Variants in PRH1 observed in about 807,000 individuals in gnomAD.
The protein encoded by PRH1 is proline rich protein HaeIII subfamily 1, also known as salivary acidic proline-rich phosphoprotein 1/2.
In PRH1, 7 loss-of-function variants were observed where a neutral mutation model predicts 7.9. The ratio of observed to expected loss-of-function variants is 0.89; its 90% confidence interval spans 0.50 to 1.67. PRH1 has a LOEUF of 1.67. Among genes scored for constraint, PRH1 ranks in the 40% most tolerant of loss-of-function variants. The pLI is 0.00. For missense variants in PRH1, 109 were observed against 223.6 expected, an observed-to-expected ratio of 0.49 and a Z score of 3.27; for synonymous variants, 45 against 80.8, an observed-to-expected ratio of 0.56 and a Z score of 2.38.
intron 1 of PRH1, among the ~76,000 whole-genome samples, chr12:11,142,085 C>T (rs1409808797): frequency 1.3e-5 from 2 of 152,156 alleles, no homozygotes; most frequent in East Asian, 3.9e-4. Context: ...AACAACCACA[C>T]CTGGCTGAGA....
rs1211497917 is a variant in PRH1, at chr12:10,882,262, T to A, written c.537A>T (p.Gly179=). The A allele has an allele frequency of 6.2e-7, 1 of 1,613,266 alleles. No homozygotes were observed. Among genetic ancestry groups the A allele is most frequent in the Admixed American group, 1.7e-5 (1 of 59,962 alleles). The change falls in exon 3 of 4, where the codon GGA becomes GGT. Residue 179 remains glycine (G), a synonymous_variant. Coordinates refer to ENST00000543626, the MANE Select transcript of PRH1 (RefSeq NM_001393989.1). ...GPPPQGGRPQ[G]PPQGQSPQ ...ACTGAGGAGACTGCCCCTGTGGAGG[T>A]CCTTGTGGGCGGCCCCCTTGGGGAG...
intron 1 of PRH1, among the ~76,000 whole-genome samples, chr12:11,014,217 T>C (rs1941190174): frequency 6.6e-6 from 1 of 152,194 alleles, no homozygotes; most frequent in African/African-American, 2.4e-5. Context: ...CAGGCATCAT[T>C]GTAGAGATTG....
intron 2 of PRH1, among the ~76,000 whole-genome samples, chr12:10,933,585 T>C (rs1315496428): frequency 3.3e-5 from 5 of 152,028 alleles, no homozygotes; most frequent in African/African-American, 1.2e-4. Flanking sequence ...TTTTGGATAA[T>C]GAAGTCAGCA....
intron 1 of PRH1, among the ~76,000 whole-genome samples, chr12:11,101,316 T>C (rs1014640443): frequency 2.6e-5 from 4 of 152,108 alleles, no homozygotes; most frequent in Non-Finnish European, 5.9e-5. Context: ...GGAAAAACCA[T>C]GTCTCTACAA....
chr12:11,105,578 T>C (rs1232479787), intron 1 of PRH1, among the ~76,000 whole-genome samples: 1 of 152,204 alleles, frequency 6.6e-6, no homozygotes, highest in Non-Finnish European at 1.5e-5. Flanking sequence ...AAATTTTCCA[T>C]ATTGGTGTTG....
At chr12:11,002,383 C>A (rs1940634885) in intron 1 of PRH1, among the ~76,000 whole-genome samples, 1 of 152,048 alleles carries the variant, frequency 6.6e-6, no homozygotes, top group South Asian at 2.1e-4. Flanking sequence ...GATCCTCAGA[C>A]AGTATTTCAT....
intron 1 of PRH1, among the ~76,000 whole-genome samples, chr12:11,071,806 T>C (rs1944082852): frequency 6.6e-6 from 1 of 152,150 alleles, no homozygotes; most frequent in South Asian, 2.1e-4. Context: ...AGTCAGGGTC[T>C]GCTGGACAGA....
intron 1 of PRH1, chr12:11,021,878 TCA>T: frequency 6.2e-7 from 1 of 1,614,174 alleles, no homozygotes; most frequent in Non-Finnish European, 8.5e-7. Flanking sequence ...AGGAAGGAGG[TCA>T]CAGTTTGCAA....
At chr12:10,894,861 A>C (rs903526023) in intron 2 of PRH1, 1 of 152,224 alleles carries the variant, frequency 6.6e-6, no homozygotes, top group South Asian at 2.1e-4. Context: ...AATAAGAGGT[A>C]GGTGAAAGAA....
At chr12:10,932,019 G>T (rs1423517516) in intron 2 of PRH1, among the ~76,000 whole-genome samples, 1 of 152,040 alleles carries the variant, frequency 6.6e-6, no homozygotes, top group Non-Finnish European at 1.5e-5. Flanking sequence ...ATCGTTTTTC[G>T]TCCTCATCTA....
chr12:11,016,989 C>T (rs1234689694), intron 1 of PRH1, among the ~76,000 whole-genome samples: 1 of 152,156 alleles, frequency 6.6e-6, no homozygotes, highest in African/African-American at 2.4e-5. Context: ...TGGCCTCTAC[C>T]AAAACCAGAT....
chr12:11,141,150 G>A (rs1441834800), intron 1 of PRH1, among the ~76,000 whole-genome samples: 4 of 152,068 alleles, frequency 2.6e-5, no homozygotes, highest in Admixed American at 6.5e-5. Flanking sequence ...CATCCAGGTG[G>A]AAATAGCCCT....
chr12:10,965,982 G>A lies in PRH1; in HGVS notation c.-59+7673C>T, dbSNP rs138725168. Among the ~76,000 whole-genome samples the A allele has an allele frequency of 2.1e-3, 315 of 152,202 alleles. 2 individuals are homozygous for A. The highest frequency in any genetic ancestry group is 7.2e-3 in the African/African-American group (301 of 41,534). On this transcript the variant is annotated intron_variant, in intron 2 of 3. Transcript: ENST00000539853. ...ACCAGTACTTTTGTATGACATTAGT[G>A]TTAACAAGCTCATAAAACATACACA...
intron 2 of PRH1, among the ~76,000 whole-genome samples, chr12:10,958,139 T>C (rs1253413036): frequency 6.6e-6 from 1 of 152,102 alleles, no homozygotes; most frequent in African/African-American, 2.4e-5. Flanking sequence ...CTATTCATAA[T>C]AGCAAAGACA....
intron 2 of PRH1, among the ~76,000 whole-genome samples, chr12:10,924,073 C>T (rs1179231895): frequency 2.0e-5 from 3 of 147,720 alleles, no homozygotes; most frequent in South Asian, 4.3e-4. Flanking sequence ...CGGCAAGCTC[C>T]GCCTCCTGGG....
In PRH1 at chr12:11,134,155, T is replaced by C; in HGVS notation, n.40-12975A>G. 3.1e-6 allele frequency: 5 copies of C among 1,614,084 alleles called. No homozygotes were observed. In the Middle Eastern group the frequency reaches 6.6e-4, roughly 213 times the overall value. On this transcript the variant is annotated intron_variant and non_coding_transcript_variant, in intron 1 of 1. Coordinates refer to the PRH1 transcript ENST00000541175. ...GTCTCTTGACCCACTCAATGGAATT[T>C]ACCAATGCTATGAAGCCATTAGCAA...
chr12:11,053,820 T>TTG (rs915577097), intron 1 of PRH1, among the ~76,000 whole-genome samples: 44 of 151,160 alleles, frequency 2.9e-4, no homozygotes, highest in Admixed American at 4.6e-4. Context: ...GCTTTACATT[T>TTG]TGTGTGTGTG....
chr12:10,881,281 AATT>A (rs1264050790), intron 3 of PRH1, among the ~76,000 whole-genome samples: 1 of 152,212 alleles, frequency 6.6e-6, no homozygotes, highest in Non-Finnish European at 1.5e-5. Context: ...AAAGAGAAAC[AATT>A]ATTGTTATGT....
intron 2 of PRH1, among the ~76,000 whole-genome samples, chr12:10,898,705 G>T (rs533837686): frequency 8.5e-5 from 13 of 152,310 alleles, no homozygotes; most frequent in Admixed American, 7.2e-4. Flanking sequence ...AAGAGGGGTT[G>T]AAATTTTAAA....
Sources: allele counts gnomAD v4.1 joint callset (sites outside exome capture counted in the v4.1 genomes callset), GRCh38; gene constraint gnomAD v4.1.1; transcripts MANE v1.5; gene names NCBI Gene and HGNC (gene_info 2026-07-23, HGNC 2026-07-21).